The following DOK5 variants were observed in gnomAD, a reference collection of about 807,000 sequenced individuals.
DOK5 encodes downstream of tyrosine kinase 5.
DOK5 carries 27 observed loss-of-function variants against 43.3 expected under a neutral mutation model. The ratio of observed to expected loss-of-function variants is 0.62; its 90% CI spans 0.46 to 0.86. The LOEUF (loss-of-function observed/expected upper bound fraction) is 0.86. Among genes scored for constraint, DOK5 ranks in the 40% least tolerant of loss-of-function variants. The pLI is 0.00. For synonymous variants in DOK5, 146 were observed against 140.1 expected (o/e 1.04, Z -0.30); for missense variants, 373 against 392.9 (o/e 0.95, Z 0.43).
chr20:54,644,705 C>CAAAAAAAAAAAA (rs71196460), intron 7 of DOK5, among the ~76,000 whole-genome samples: 1 of 15,236 alleles, frequency 6.6e-5, no homozygotes, highest in African/African-American at 2.4e-4. Flanking sequence ...GACTCCGTCT[C>CAAAAAAAAAAAA]AAAAAAAAAA....
intron 1 of DOK5, among the ~76,000 whole-genome samples, chr20:54,533,638 A>G (rs55959803): frequency 6.6e-6 from 1 of 152,210 alleles, no homozygotes; most frequent in Admixed American, 6.5e-5. Context: ...AGATGGAAAA[A>G]CTGAAGCTCA....
At chr20:54,534,660 CTAAGCAGTG>C (rs2146709523) in intron 1 of DOK5, among the ~76,000 whole-genome samples, 1 of 152,304 alleles carries the variant, frequency 6.6e-6, no homozygotes, top group South Asian at 2.1e-4. Context: ...TACCTGTCAA[CTAAGCAGTG>C]AAGATCTGTG....
At chr20:54,503,777 G>C (rs1300853123) in intron 1 of DOK5, among the ~76,000 whole-genome samples, 3 of 152,060 alleles carry the variant, frequency 2.0e-5, no homozygotes, top group Non-Finnish European at 4.4e-5. Flanking sequence ...TGGTTTGCAG[G>C]GTCTAGGTGC....
At chr20:54,493,819 C>T (rs1255551541) in intron 1 of DOK5, among the ~76,000 whole-genome samples, 2 of 151,654 alleles carry the variant, frequency 1.3e-5, no homozygotes, top group Non-Finnish European at 2.9e-5. Context: ...GGCACCTGTA[C>T]TCCTAACTAC....
chr20:54,520,452 A>G (rs1306161034), intron 1 of DOK5, among the ~76,000 whole-genome samples: 1 of 151,888 alleles, frequency 6.6e-6, no homozygotes, highest in Non-Finnish European at 1.5e-5. Context: ...GATTTTTGAG[A>G]CTGTAAGATC....
At chr20:54,626,414 A>G (rs1457415139) in intron 6 of DOK5, among the ~76,000 whole-genome samples, 1 of 152,190 alleles carries the variant, frequency 6.6e-6, no homozygotes, top group Non-Finnish European at 1.5e-5. Flanking sequence ...TTTCACAACT[A>G]TCCTTGGAGA....
At chr20:54,609,884 A>G (rs990114139) in intron 5 of DOK5, among the ~76,000 whole-genome samples, 2 of 152,240 alleles carry the variant, frequency 1.3e-5, no homozygotes, top group African/African-American at 4.8e-5. Flanking sequence ...AAGCTGGAGT[A>G]ATATTTGATC....
At chr20:54,642,484 A>G (rs1979166040) in intron 6 of DOK5, among the ~76,000 whole-genome samples, 1 of 145,622 alleles carries the variant, frequency 6.9e-6, no homozygotes, top group African/African-American at 2.5e-5. Flanking sequence ...TGGGTGGATC[A>G]CCTGAGGTCA....
chr20:54,598,554 A>G (rs1399321380), intron 5 of DOK5, among the ~76,000 whole-genome samples: 2 of 152,180 alleles, frequency 1.3e-5, no homozygotes, highest in Non-Finnish European at 2.9e-5. Flanking sequence ...GCATGCTTCA[A>G]TGTCAGACTT....
At chr20:54,514,072 G>T (rs770410221) in intron 1 of DOK5, among the ~76,000 whole-genome samples, 1 of 152,200 alleles carries the variant, frequency 6.6e-6, no homozygotes. Flanking sequence ...GAATAGCTGG[G>T]AAGTCCGAAG....
chr20:54,582,790 G>T (rs866219820), intron 2 of DOK5, among the ~76,000 whole-genome samples: 46 of 151,732 alleles, frequency 3.0e-4, no homozygotes, highest in Middle Eastern at 3.4e-3. Flanking sequence ...CTAGCTATTT[G>T]TCAGTTTCAT....
At chr20:54,590,294 A>G (rs1305795700) in intron 4 of DOK5, among the ~76,000 whole-genome samples, 1 of 152,140 alleles carries the variant, frequency 6.6e-6, no homozygotes, top group Non-Finnish European at 1.5e-5. Flanking sequence ...GGCCCTTTCC[A>G]ATGTTAATTA....
At chr20:54,640,225 T>C (rs547895980) in intron 6 of DOK5, among the ~76,000 whole-genome samples, 104 of 152,352 alleles carry the variant, frequency 6.8e-4, no homozygotes, top group African/African-American at 2.4e-3. Flanking sequence ...TATATTCACA[T>C]TGAAGTTGTA....
chr20:54,517,100 G>A (rs1183134251), intron 1 of DOK5, among the ~76,000 whole-genome samples: 2 of 152,078 alleles, frequency 1.3e-5, no homozygotes, highest in African/African-American at 2.4e-5. Context: ...AAATCCCTAA[G>A]GAATTAGCAG....
chr20:54,504,480 G>A (rs1303273234), intron 1 of DOK5, among the ~76,000 whole-genome samples: 1 of 152,194 alleles, frequency 6.6e-6, no homozygotes, highest in Non-Finnish European at 1.5e-5. Flanking sequence ...GTTACCCACT[G>A]AATGGAACTT....
At position 54,475,985 on chromosome 20, in the gene DOK5, C is replaced by A. The variant is rs1226533125; in HGVS notation, c.39C>A (p.Tyr13Ter). ...SNFNDIVKQG[Y>*]VRIRSRRLGI... Reference sequence around the variant, plus strand: ...TTAATGACATAGTGAAGCAAGGGTACGTGAGGATCCGGAGCAGACGCCTCG... The same window carrying A: ...TTAATGACATAGTGAAGCAAGGGTAAGTGAGGATCCGGAGCAGACGCCTCG... Residue 13 changes from tyrosine to a stop codon, truncating the protein, a stop_gained, in exon 1 of 8, where the codon TAC becomes TAA. Coordinates refer to ENST00000262593, the MANE Select transcript of DOK5 (RefSeq NM_018431.5). LOFTEE classifies it high-confidence loss of function. The surrounding 1 kb of genome is among the most constrained non-coding windows in gnomAD (Gnocchi z 4.2). 6.2e-7 allele frequency: 1 copy of A among 1,613,466 alleles called. No homozygotes were observed.
At chr20:54,523,850 G>A (rs1983494852) in intron 1 of DOK5, among the ~76,000 whole-genome samples, 1 of 152,174 alleles carries the variant, frequency 6.6e-6, no homozygotes, top group South Asian at 2.1e-4. Context: ...TAATCCACAT[G>A]CCTTGGCCTC....
chr20:54,528,390 C>A (rs1047768660), intron 1 of DOK5, among the ~76,000 whole-genome samples: 3 of 152,038 alleles, frequency 2.0e-5, no homozygotes, highest in African/African-American at 7.2e-5. Context: ...GTTCCATGGT[C>A]AACAGGAAAC....
chr20:54,480,187 T>C lies in DOK5; in HGVS notation c.66+4175T>C, dbSNP rs142689345. Among the ~76,000 whole-genome samples the C allele has an allele frequency of 2.0e-3, 297 of 152,290 alleles. 1 individual carries two copies. Among genetic ancestry groups the C allele is most frequent in the African/African-American group, 5.6e-3 (234 of 41,550 alleles). Reference sequence around the variant, plus strand: ...TGAACCAGAGCAACTCCATCTTGAATAGGAGCTGGGTAAAACAAGACTGAA... The same window carrying C: ...TGAACCAGAGCAACTCCATCTTGAACAGGAGCTGGGTAAAACAAGACTGAA... On this transcript the variant is annotated intron_variant, in intron 1 of 7. Coordinates refer to ENST00000262593, the MANE Select transcript of DOK5 (RefSeq NM_018431.5).
Sources: gnomAD v4.1 joint callset for allele counts (sites outside exome capture counted in the v4.1 genomes callset) on GRCh38, gnomAD v4.1.1 for gene constraint, Gnocchi (gnomAD v3.1) non-coding constraint, MANE v1.5 for transcripts, NCBI Gene and HGNC (gene_info 2026-07-23, HGNC 2026-07-21) for gene names.